The following CCDC38 variants were observed in gnomAD, a reference collection of about 807,000 sequenced individuals.
The protein encoded by CCDC38 is coiled-coil domain-containing protein 38.
CCDC38 carries 69 observed loss-of-function variants against 72.8 expected under a neutral mutation model. That is an observed-to-expected ratio of 0.95 (90% CI 0.78 to 1.16). The LOEUF is 1.16. Ranked by LOEUF, CCDC38 falls within the 50% of genes most tolerant of loss-of-function variation. The pLI, the probability that CCDC38 is intolerant of heterozygous loss-of-function variation, is 0.00. For synonymous variants in CCDC38, 201 were observed against 213.2 expected (o/e 0.94, Z 0.50); for missense variants, 626 against 638.9 (o/e 0.98, Z 0.22).
intron 11 of CCDC38, among the ~76,000 whole-genome samples, chr12:95,881,279 C>A (rs993075947): frequency 2.7e-5 from 4 of 149,314 alleles, no homozygotes; most frequent in Non-Finnish European, 4.4e-5. Flanking sequence ...TAAATCATTA[C>A]CTTCTTCTAG....
At chr12:95,929,039 G>T (rs2136735963) in intron 2 of CCDC38, among the ~76,000 whole-genome samples, 1 of 152,334 alleles carries the variant, frequency 6.6e-6, no homozygotes, top group East Asian at 1.9e-4. Context: ...GAGGCAGGCA[G>T]GCCTCCTTGA....
chr12:95,931,381 T>A (rs1317858371), intron 2 of CCDC38, among the ~76,000 whole-genome samples: 1 of 152,208 alleles, frequency 6.6e-6, no homozygotes, highest in Non-Finnish European at 1.5e-5. Flanking sequence ...TCAAGGTAAT[T>A]AACTTAATCA....
intron 10 of CCDC38, among the ~76,000 whole-genome samples, chr12:95,884,533 T>TA (rs2079736087): frequency 6.6e-6 from 1 of 152,246 alleles, no homozygotes; most frequent in African/African-American, 2.4e-5. Context: ...GTTAGTTTCC[T>TA]AGGGTTGATG....
chr12:95,887,808 C>T (rs1198067519), intron 10 of CCDC38, among the ~76,000 whole-genome samples: 1 of 152,148 alleles, frequency 6.6e-6, no homozygotes, highest in Non-Finnish European at 1.5e-5. Context: ...GAATCTAAAA[C>T]GATCTCAAAA....
At chr12:95,901,388 C>T (rs980932622) in intron 5 of CCDC38, among the ~76,000 whole-genome samples, 1 of 151,818 alleles carries the variant, frequency 6.6e-6, no homozygotes, top group Admixed American at 6.6e-5. Context: ...TTGAACATCT[C>T]GATGGGAAAT....
At chr12:95,888,861 T>G (rs1256605137) in intron 9 of CCDC38, among the ~76,000 whole-genome samples, 1 of 151,928 alleles carries the variant, frequency 6.6e-6, no homozygotes, top group African/African-American at 2.4e-5. Context: ...AGTTCTGGGA[T>G]GCAGAACTAT....
At chr12:95,894,351 C>A (rs1321754507) in intron 8 of CCDC38, among the ~76,000 whole-genome samples, 2 of 152,156 alleles carry the variant, frequency 1.3e-5, no homozygotes, top group Non-Finnish European at 2.9e-5. Flanking sequence ...GGTATGGCTA[C>A]CATATCAGTT....
intron 4 of CCDC38, among the ~76,000 whole-genome samples, chr12:95,914,935 T>C (rs1281648250): frequency 6.6e-6 from 1 of 152,194 alleles, no homozygotes; most frequent in African/African-American, 2.4e-5. Flanking sequence ...TTTATTTGAT[T>C]AGATTCAGGT....
At chr12:95,894,134 T>A (rs983933386) in intron 8 of CCDC38, among the ~76,000 whole-genome samples, 2 of 151,946 alleles carry the variant, frequency 1.3e-5, no homozygotes, top group African/African-American at 4.8e-5. Flanking sequence ...CAGGAGAATA[T>A]CTTAAACCTG....
intron 5 of CCDC38, among the ~76,000 whole-genome samples, chr12:95,904,693 GATTA>G (rs1294078342): frequency 6.6e-6 from 1 of 152,202 alleles, no homozygotes; most frequent in African/African-American, 2.4e-5. Context: ...AACTAGGCAT[GATTA>G]ATTGATTGAC....
At chr12:95,887,229 A>G (rs1256744912) in intron 10 of CCDC38, among the ~76,000 whole-genome samples, 3 of 152,082 alleles carry the variant, frequency 2.0e-5, no homozygotes, top group South Asian at 2.1e-4. Context: ...CTGAACACAC[A>G]TCTACCATCC....
intron 5 of CCDC38, among the ~76,000 whole-genome samples, chr12:95,901,883 C>T (rs901274204): frequency 6.6e-6 from 1 of 152,034 alleles, no homozygotes; most frequent in African/African-American, 2.4e-5. Flanking sequence ...AAGTATAATG[C>T]TTTTGAAAAA....
chr12:95,908,326 GCGGCGCGCGCCTGCAA>G (rs994729883), intron 4 of CCDC38, among the ~76,000 whole-genome samples: 8 of 150,302 alleles, frequency 5.3e-5, no homozygotes, highest in Admixed American at 5.3e-4. Context: ...GTCAGGCGTG[GCGGCGCGCGCCTGCAA>G]TCGCAGGCAC....
At chr12:95,882,357 G>C (rs1054630529) in intron 10 of CCDC38, among the ~76,000 whole-genome samples, 1 of 152,128 alleles carries the variant, frequency 6.6e-6, no homozygotes, top group Non-Finnish European at 1.5e-5. Flanking sequence ...CATGAGAGAA[G>C]AGACAAAGAT....
At chr12:95,918,563 C>G (rs961801288) in intron 3 of CCDC38, among the ~76,000 whole-genome samples, 1 of 152,124 alleles carries the variant, frequency 6.6e-6, no homozygotes. Flanking sequence ...AAGCTAGGTA[C>G]CAATTTCAGA....
At chr12:95,938,866 T>C (rs560589491) in intron 1 of CCDC38, among the ~76,000 whole-genome samples, 14 of 152,350 alleles carry the variant, frequency 9.2e-5, no homozygotes, top group African/African-American at 3.4e-4. Flanking sequence ...TTGGATTGCA[T>C]AGCAAATGCC....
chr12:95,896,378 G>A (rs1426590532), intron 7 of CCDC38: 2 of 152,160 alleles, frequency 1.3e-5, no homozygotes, highest in Admixed American at 6.5e-5. Context: ...AAAGAGGGAT[G>A]TTAAAATAAC....
At chr12:95,908,300 A>G (rs1441376854) in intron 4 of CCDC38, among the ~76,000 whole-genome samples, 3 of 150,708 alleles carry the variant, frequency 2.0e-5, no homozygotes, top group African/African-American at 7.3e-5. Flanking sequence ...TCTCCACCCA[A>G]AAAATAGGAA....
chr12:95,943,209 A>T, upstream of CCDC38: 2 of 582,140 alleles, frequency 3.4e-6, no homozygotes, highest in Non-Finnish European at 5.6e-6. Flanking sequence ...ACTCGTTGCC[A>T]TTCTTGCAAT....
Sources: allele counts gnomAD v4.1 joint callset (sites outside exome capture counted in the v4.1 genomes callset), GRCh38; gene constraint gnomAD v4.1.1; transcripts MANE v1.5; gene names NCBI Gene and HGNC (gene_info 2026-07-23, HGNC 2026-07-21).